The following OC90 variants were observed in gnomAD, a reference collection of about 807,000 sequenced individuals.
OC90 encodes the protein otoconin-90.
Under a neutral mutation model 47.3 loss-of-function variants are expected in OC90, and 46 were observed. That is an observed-to-expected ratio of 0.97 (90% CI 0.77 to 1.24). The LOEUF (loss-of-function observed/expected upper bound fraction) is 1.24, where lower values mean the gene tolerates loss of function less well. Among genes scored for constraint, OC90 ranks in the 50% most tolerant of loss-of-function variants. The pLI, the probability that OC90 is intolerant of heterozygous loss-of-function variation, is 0.00. For missense variants in OC90, 688 were observed against 583.9 expected, an observed-to-expected ratio of 1.18 and a Z score of -1.84; for synonymous variants, 271 against 219.5, an observed-to-expected ratio of 1.23 and a Z score of -2.07.
chr8:132,044,357 C>T (rs1047245078), intron 4 of OC90, 76 bp downstream of exon 4: 3 of 817,816 alleles, frequency 3.7e-6, no homozygotes, highest in Admixed American at 4.1e-5. Context: ...GAGACCAAGG[C>T]CCTTGCAATT....
At chr8:132,044,630 A>G (rs1823105855) in intron 3 of OC90, 141 bp from the exon 4 acceptor site, 2 of 620,284 alleles carry the variant, frequency 3.2e-6, no homozygotes, top group Non-Finnish European at 5.8e-6. Flanking sequence ...CTAGCTTTCT[A>G]CTAACACAGG....
intron 4 of OC90, among the ~76,000 whole-genome samples, chr8:132,043,817 T>C (rs1772959768): frequency 2.0e-5 from 3 of 152,264 alleles, no homozygotes; most frequent in Admixed American, 6.5e-5. Flanking sequence ...CACTTAGTTA[T>C]ACAAACAGTT....
In OC90 at chr8:132,041,545, C is replaced by T. The variant is rs778735394; in HGVS notation, c.324G>A (p.Leu108=). Residue 108 remains leucine, a synonymous_variant, in exon 5 of 14, where the codon TTG becomes TTA. Transcript: ENST00000254627. ...CTTACCTGTCAGATTCATCCACAGG[C>T]AACCCTTCCATCTCAAACCTGCAGG... ...GCTCRFEMEG[L]PVDESDSCCF... 6.2e-7 allele frequency: 1 copy of T among 1,611,592 alleles called. No homozygotes were observed. Among genetic ancestry groups the T allele is most frequent in the South Asian group, 1.1e-5 (1 of 90,878 alleles).
At chr8:132,049,795 TG>T (rs1823187961) in intron 2 of OC90, 1 of 516,008 alleles carries the variant, frequency 1.9e-6, no homozygotes, top group African/African-American at 1.9e-5. Context: ...AACCACTTAA[TG>T]AACAATTACC....
At position 132,036,243 on chromosome 8, in the gene OC90, G is replaced by T. The variant is rs77043052; in HGVS notation, c.679+1195C>A. On this transcript the variant is annotated intron_variant, in intron 9 of 13. Transcript: ENST00000254627. ...CAGTTTCCTACATATTCTGTAAAAT[G>T]GGTATAATAATATTTATTTCAGGTT... 6,051 of 656,938 alleles carry T rather than the reference G, an allele frequency of 9.2e-3. 124 individuals are homozygous for T. Among genetic ancestry groups the T allele is most frequent in the South Asian group, 0.045 (2,491 of 55,836 alleles). The allele number at this position is 656,938 out of a possible 1,614,324, so 40.7% of individuals were successfully genotyped here. A position where few individuals can be genotyped will look rare whatever the true frequency, so the allele number is the denominator to read the frequency against.
At chr8:132,057,381 C>G (rs986895240) in intron 1 of OC90, among the ~76,000 whole-genome samples, 14 of 152,180 alleles carry the variant, frequency 9.2e-5, no homozygotes, top group Admixed American at 9.2e-4. Context: ...GCCTGAAGGT[C>G]ATGTTCCATT....
chr8:132,028,354 T>C (rs1412116463), intron 13 of OC90, among the ~76,000 whole-genome samples: 3 of 151,506 alleles, frequency 2.0e-5, no homozygotes, highest in Non-Finnish European at 2.9e-5. Flanking sequence ...ATACAAAAAT[T>C]AGCTGGACAT....
intron 12 of OC90, among the ~76,000 whole-genome samples, chr8:132,029,716 T>C (rs1227342506): frequency 6.6e-6 from 1 of 152,202 alleles, no homozygotes; most frequent in East Asian, 1.9e-4. Context: ...GTGTCCAGCA[T>C]AGATCAGGAC....
At chr8:132,033,407 G>C (rs946452834) in intron 10 of OC90, among the ~76,000 whole-genome samples, 1 of 152,246 alleles carries the variant, frequency 6.6e-6, no homozygotes, top group South Asian at 2.1e-4. Context: ...GACATCCCAG[G>C]GATGAGGACT....
chr8:132,031,990 G>T lies in OC90; in HGVS notation c.922C>A (p.Leu308Ile). The T allele has an allele frequency of 6.2e-7, 1 of 1,613,968 alleles. No homozygotes were observed. The highest frequency in any genetic ancestry group is 2.2e-5 in the East Asian group (1 of 44,874). ...GTCAGACAAAAGAGCATCTCTCCAA[G>T]CTGTGGCATCACCTGCATGTTGTCC... ...SGDNMQVMPQ[L>I]GEMLFCLTSR... The change falls in exon 12 of 14, where the codon CTT becomes ATT. Residue 308 changes from leucine to isoleucine, a missense_variant. Leu to Ile is a conservative substitution (Grantham distance 5, BLOSUM62 2). Coordinates refer to ENST00000254627, the MANE Select transcript of OC90 (RefSeq NM_001080399.3).
At chr8:132,030,123 G>A (rs540201869) in intron 12 of OC90, among the ~76,000 whole-genome samples, 15 of 152,322 alleles carry the variant, frequency 9.8e-5, no homozygotes, top group South Asian at 6.2e-4. Flanking sequence ...TAGCACAAAA[G>A]AGACACACAA....
At chr8:132,029,309 A>G in intron 12 of OC90, 130 bp from the exon 13 acceptor site, 1 of 700,046 alleles carries the variant, frequency 1.4e-6, no homozygotes, top group Non-Finnish European at 2.5e-6. Context: ...CAGTGCACAC[A>G]GGGCTGACTC....
In OC90 at chr8:132,024,631, G is replaced by T; in HGVS notation, c.1284C>A (p.Ser428Arg). ...CPGQPAACED[S>R]LHPVPAAPTL... Reference sequence around the variant, plus strand: ...TGGGGGCTGCGGGCACAGGGTGCAGGCTGTCTTCACAGGCTGCTGGCTGCC... The same window carrying T: ...TGGGGGCTGCGGGCACAGGGTGCAGTCTGTCTTCACAGGCTGCTGGCTGCC... Residue 428 changes from serine to arginine, a missense_variant, in exon 14 of 14, where the codon AGC becomes AGA. Ser to Arg is a moderately radical substitution (Grantham distance 110, BLOSUM62 -1). Transcript: ENST00000254627. 1 of 1,613,606 alleles carries T rather than the reference G, an allele frequency of 6.2e-7. No individual in the cohort carries two copies. Among genetic ancestry groups the T allele is most frequent in the Non-Finnish European group, 8.5e-7 (1 of 1,179,736 alleles).
intron 8 of OC90, among the ~76,000 whole-genome samples, chr8:132,038,520 G>A (rs1348299045): frequency 6.6e-6 from 1 of 152,222 alleles, no homozygotes; most frequent in African/African-American, 2.4e-5. Flanking sequence ...GGGAGAGAAT[G>A]AACTTGGGTT....
chr8:132,028,940 A>C, intron 13 of OC90, 133 bp downstream of exon 13: 1 of 610,816 alleles, frequency 1.6e-6, no homozygotes. Context: ...GAAGGAAGGA[A>C]GGAAAAGAAA....
chr8:132,026,863 A>G (rs1046396579), intron 13 of OC90, among the ~76,000 whole-genome samples: 4 of 152,160 alleles, frequency 2.6e-5, no homozygotes, highest in African/African-American at 9.7e-5. Flanking sequence ...TCTTGGGCTC[A>G]TGATCTGGCA....
At position 132,029,137 on chromosome 8, in the gene OC90, C is replaced by G. The variant is rs372376833; in HGVS notation, c.1074G>C (p.Arg358Ser). ...GAAGCCTCTCAAGCAGGCAGCCCAGCCTTCTCACTTGCTCTAGGCAGCAGT... is the reference window on the plus strand; with the variant it reads ...GAAGCCTCTCAAGCAGGCAGCCCAGGCTTCTCACTTGCTCTAGGCAGCAGT... ...SHHCCLEQVR[R>S]LGCLLERLPW... Residue 358 changes from arginine to serine, a missense_variant, in exon 13 of 14, where the codon AGG (arginine) becomes AGC (serine). Physicochemically the swap from Arg to Ser is moderately radical, Grantham distance 110. Transcript: ENST00000254627. The G allele has an allele frequency of 6.5e-5, 105 of 1,614,010 alleles. No homozygotes were observed. Among genetic ancestry groups the G allele is most frequent in the African/African-American group, 6.3e-4 (47 of 75,056 alleles).
intron 13 of OC90, among the ~76,000 whole-genome samples, chr8:132,028,664 AAG>A (rs1380975715): frequency 3.1e-5 from 4 of 131,024 alleles, no homozygotes; most frequent in African/African-American, 9.2e-5. Context: ...GAAAGAAAGA[AAG>A]AGAGACAGAA....
At chr8:132,048,417 A>G (rs1290863129) in intron 2 of OC90, among the ~76,000 whole-genome samples, 1 of 152,054 alleles carries the variant, frequency 6.6e-6, no homozygotes, top group Non-Finnish European at 1.5e-5. Flanking sequence ...TGGTTGGAGT[A>G]TGGAGACTAA....
Sources: gnomAD v4.1 joint callset for allele counts (sites outside exome capture counted in the v4.1 genomes callset) on GRCh38, gnomAD v4.1.1 for gene constraint, MANE v1.5 for transcripts, NCBI Gene and HGNC (gene_info 2026-07-23, HGNC 2026-07-21) for gene names.